ANKS1B: variants seen among roughly 807,000 people sequenced by gnomAD.
ANKS1B encodes the protein ankyrin repeat and sterile alpha motif domain-containing protein 1B.
Under a neutral mutation model 148.3 loss-of-function variants are expected in ANKS1B, and 36 were observed. That is an observed-to-expected ratio of 0.24 (90% CI 0.19 to 0.32). ANKS1B has a LOEUF of 0.32. ANKS1B is among the 10% of genes least tolerant of loss of function. The pLI is 1.00. For missense variants in ANKS1B, 1,157 were observed against 1,542.6 expected, an observed-to-expected ratio of 0.75 and a Z score of 4.19; for synonymous variants, 542 against 560.8, an observed-to-expected ratio of 0.97 and a Z score of 0.47.
At chr12:98,960,115 C>T (rs1271987855) in intron 17 of ANKS1B, among the ~76,000 whole-genome samples, 1 of 152,158 alleles carries the variant, frequency 6.6e-6, no homozygotes, top group African/African-American at 2.4e-5. Flanking sequence ...GATTGTAGAA[C>T]CCTAGGGCTA....
At chr12:99,719,826 C>T (rs999945376) in intron 8 of ANKS1B, among the ~76,000 whole-genome samples, 10 of 152,136 alleles carry the variant, frequency 6.6e-5, no homozygotes, top group African/African-American at 1.9e-4. Flanking sequence ...GCATCAGATC[C>T]CATCGCTCAG....
intron 8 of ANKS1B, among the ~76,000 whole-genome samples, chr12:99,741,627 C>T (rs1402311413): frequency 6.6e-6 from 1 of 152,040 alleles, no homozygotes; most frequent in Non-Finnish European, 1.5e-5. Context: ...CCATCATTCT[C>T]AGCAAACTAA....
intron 17 of ANKS1B, among the ~76,000 whole-genome samples, chr12:99,016,658 T>TCAAA (rs938791777): frequency 3.9e-5 from 6 of 151,900 alleles, no homozygotes; most frequent in Non-Finnish European, 5.9e-5. Context: ...TTTCCCTCTC[T>TCAAA]CAAACAAACA....
intron 17 of ANKS1B, among the ~76,000 whole-genome samples, chr12:98,942,257 G>C (rs944034904): frequency 5.9e-5 from 9 of 151,372 alleles, no homozygotes; most frequent in African/African-American, 2.2e-4. Context: ...AGGTGGGGGA[G>C]CGGGGGGAGG....
chr12:99,227,390 G>A (rs1346896528), intron 14 of ANKS1B, among the ~76,000 whole-genome samples: 2 of 152,156 alleles, frequency 1.3e-5, no homozygotes, highest in African/African-American at 4.8e-5. Flanking sequence ...CTGCAGAACC[G>A]TGAGCCAATT....
intron 9 of ANKS1B, among the ~76,000 whole-genome samples, chr12:99,528,368 A>G (rs928487516): frequency 7.9e-5 from 12 of 151,932 alleles, no homozygotes; most frequent in Non-Finnish European, 1.6e-4. Flanking sequence ...CCAAAAATTG[A>G]CAAACGGGAC....
At chr12:99,865,141 T>C (rs2153722404) in intron 1 of ANKS1B, among the ~76,000 whole-genome samples, 1 of 152,368 alleles carries the variant, frequency 6.6e-6, no homozygotes. Flanking sequence ...AAATGTACTA[T>C]TTTTATATAA....
At chr12:98,735,279 A>G (rs2097767897) in exon 10 of ANKS1B, 1 of 399,776 alleles carries the variant, frequency 2.5e-6, no homozygotes, top group African/African-American at 2.1e-5. Context: ...CTTCATATAT[A>G]TAATTTTTTT....
intron 2 of ANKS1B, among the ~76,000 whole-genome samples, chr12:99,824,481 A>C (rs1178768024): frequency 2.6e-5 from 4 of 151,588 alleles, no homozygotes; most frequent in Non-Finnish European, 5.9e-5. Flanking sequence ...GCCTGGGCGA[A>C]GGAGTGAGAC....
chr12:99,967,307 T>C (rs571002626), intron 1 of ANKS1B, among the ~76,000 whole-genome samples: 67 of 152,306 alleles, frequency 4.4e-4, no homozygotes, highest in African/African-American at 1.5e-3. Flanking sequence ...TCACCTCCAC[T>C]TTATAAATAA....
chr12:99,230,640 T>G (rs1481391466), intron 14 of ANKS1B, among the ~76,000 whole-genome samples: 1 of 152,164 alleles, frequency 6.6e-6, no homozygotes, highest in African/African-American at 2.4e-5. Flanking sequence ...ATTATGCATG[T>G]TATTTTTGCT....
intron 9 of ANKS1B, among the ~76,000 whole-genome samples, chr12:99,612,092 A>G (rs943794416): frequency 1.8e-4 from 27 of 152,098 alleles, no homozygotes; most frequent in African/African-American, 6.3e-4. Context: ...ATTTAGCTGC[A>G]TTTGAGGGAA....
chr12:99,863,352 A>T (rs959432729), intron 1 of ANKS1B, among the ~76,000 whole-genome samples: 1 of 152,258 alleles, frequency 6.6e-6, no homozygotes, highest in Non-Finnish European at 1.5e-5. Context: ...TGGCAACACC[A>T]TTCTCTCAAT....
intron 9 of ANKS1B, among the ~76,000 whole-genome samples, chr12:99,590,163 T>C (rs1244958285): frequency 6.6e-6 from 1 of 152,016 alleles, no homozygotes; most frequent in East Asian, 1.9e-4. Flanking sequence ...TATATAGATA[T>C]GTGAATTAAT....
At chr12:99,385,649 G>T (rs1383478771) in intron 12 of ANKS1B, among the ~76,000 whole-genome samples, 1 of 152,108 alleles carries the variant, frequency 6.6e-6, no homozygotes, top group Non-Finnish European at 1.5e-5. Context: ...TTAGCTTAGA[G>T]AACTTAACAT....
At chr12:99,808,347 G>C (rs1237461786) in intron 3 of ANKS1B, among the ~76,000 whole-genome samples, 1 of 152,140 alleles carries the variant, frequency 6.6e-6, no homozygotes, top group East Asian at 1.9e-4. Context: ...GGAGTAGAGT[G>C]ACAAGGGGAA....
intron 17 of ANKS1B, among the ~76,000 whole-genome samples, chr12:98,881,240 T>C (rs2099707228): frequency 6.6e-6 from 1 of 152,202 alleles, no homozygotes; most frequent in Non-Finnish European, 1.5e-5. Flanking sequence ...CTTCAGTCCA[T>C]AGTCAATAAA....
intron 12 of ANKS1B, among the ~76,000 whole-genome samples, chr12:99,318,683 T>C (rs879056901): frequency 6.6e-6 from 1 of 152,192 alleles, no homozygotes; most frequent in Non-Finnish European, 1.5e-5. Context: ...AGTTCTTCTC[T>C]GATCTTAGTT....
intron 14 of ANKS1B, among the ~76,000 whole-genome samples, chr12:99,232,890 C>T (rs2087116973): frequency 6.6e-6 from 1 of 152,000 alleles, no homozygotes; most frequent in Admixed American, 6.6e-5. Context: ...TTATGAATTA[C>T]CAGCTATGTT....
Sources: gnomAD v4.1 joint callset for allele counts (sites outside exome capture counted in the v4.1 genomes callset) on GRCh38, gnomAD v4.1.1 for gene constraint, MANE v1.5 for transcripts, NCBI Gene and HGNC (gene_info 2026-07-23, HGNC 2026-07-21) for gene names.